Variants in SRP54 observed in about 807,000 individuals in gnomAD.
SRP54 encodes signal recognition particle subunit SRP54.
Under a neutral mutation model 64.8 loss-of-function variants are expected in SRP54, and 10 were observed. That is an observed-to-expected ratio of 0.15 (90% confidence interval 0.10 to 0.26). The LOEUF is 0.26. SRP54 is among the 10% of genes least tolerant of loss of function. SRP54 has a pLI of 1.00. For missense variants in SRP54, 325 were observed against 613.7 expected (o/e 0.53, Z 4.97); for synonymous variants, 193 against 185.6 (o/e 1.04, Z -0.32).
rs17102982 is a variant in SRP54 at position 35,019,103 on chromosome 14, A to G, written c.1156+29A>G. 533,100 of 1,493,374 alleles carry G rather than the reference A, an allele frequency of 0.36. 100,153 individuals carry two copies. Among genetic ancestry groups the G allele is most frequent in the East Asian group, 0.72 (31,707 of 43,738 alleles). 92.5% of individuals were successfully genotyped at this position (1,493,374 alleles called of 1,614,324 possible). A position where few individuals can be genotyped will look rare whatever the true frequency, so the allele number is the denominator to read the frequency against. On this transcript the variant is annotated intron_variant, in intron 13 of 15. Transcript: ENST00000216774. The stretch of plus-strand genomic sequence containing the variant: ...AGATGGCAGATTATTTTCCTCAGGC[A>G]AAAATGTTCTGAGTATCAGTAAGAT...
intron 5 of SRP54, among the ~76,000 whole-genome samples, 191 bp downstream of exon 5, chr14:35,007,578 T>C (rs2044278983): frequency 1.4e-5 from 2 of 147,026 alleles, no homozygotes; most frequent in Admixed American, 1.4e-4. Context: ...TTACATAAAA[T>C]ATATTTATAT....
Position 35,023,256 on chromosome 14 carries a change from TA to T in SRP54, c.1327+185del, listed in dbSNP as rs146885176. Among the ~76,000 whole-genome samples, 13,222 of 150,768 alleles carry T rather than the reference TA, an allele frequency of 0.088. 653 individuals are homozygous for T. Among genetic ancestry groups the T allele is most frequent in the Non-Finnish European group, 0.12 (8,311 of 67,696 alleles). ...TCATATTCAAGGTAATATTAATATT[TA>T]AAAAAAAACTTTACATCTGTGTAGT... On this transcript the variant is annotated intron_variant, in intron 14 of 15. Transcript: ENST00000216774.
At chr14:35,019,755 AGTC>A (rs2044495761) in intron 13 of SRP54, among the ~76,000 whole-genome samples, 1 of 152,246 alleles carries the variant, frequency 6.6e-6, no homozygotes, top group Admixed American at 6.5e-5. Context: ...CATGCAATAA[AGTC>A]AGTCATACAG....
intron 14 of SRP54, among the ~76,000 whole-genome samples, chr14:35,023,761 G>T (rs2044573274): frequency 6.7e-6 from 1 of 150,280 alleles, no homozygotes; most frequent in Non-Finnish European, 1.5e-5. Context: ...TCCAGCCTGG[G>T]CAGCAGAGTG....
In SRP54 at chr14:35,014,731, T is replaced by A; in HGVS notation, c.887-13T>A. On this transcript the variant is annotated splice_polypyrimidine_tract_variant and intron_variant, in intron 10 of 15. Transcript: ENST00000216774. Reference sequence around the variant, plus strand: ...AGTATTAGTTGTTAATTTTTCTTTTTTGTATCTTATAGGTATGGGCGACAT... The same window carrying A: ...AGTATTAGTTGTTAATTTTTCTTTTATGTATCTTATAGGTATGGGCGACAT... 1 of 1,607,562 alleles carries A rather than the reference T, an allele frequency of 6.2e-7. No individual in the cohort carries two copies. Among genetic ancestry groups the A allele is most frequent in the Non-Finnish European group, 8.5e-7 (1 of 1,176,974 alleles).
At chr14:35,003,979 G>A (rs1160496201) in intron 4 of SRP54, among the ~76,000 whole-genome samples, 3 of 151,060 alleles carry the variant, frequency 2.0e-5, no homozygotes, top group South Asian at 2.1e-4. Context: ...GCATGGTGGC[G>A]CATGCCTGTA....
intron 1 of SRP54, among the ~76,000 whole-genome samples, chr14:34,987,288 C>G (rs184851531): frequency 1.8e-5 from 1 of 55,352 alleles, no homozygotes; most frequent in African/African-American, 4.3e-5. Flanking sequence ...TATATATATA[C>G]ACACACACAC....
At chr14:35,022,834 T>C in intron 13 of SRP54, 76 bp from the exon 14 acceptor site, 8 of 1,221,552 alleles carry the variant, frequency 6.5e-6, no homozygotes, top group Non-Finnish European at 7.8e-6. Flanking sequence ...TTTGAAGTTA[T>C]ATATTGCCCA....
intron 14 of SRP54, among the ~76,000 whole-genome samples, chr14:35,025,962 AG>A (rs1410895812): frequency 6.6e-6 from 1 of 151,646 alleles, no homozygotes; most frequent in Non-Finnish European, 1.5e-5. Flanking sequence ...AGGCCAAGGC[AG>A]GAGGATCCCA....
chr14:35,008,564 A>C, intron 5 of SRP54, 63 bp from the exon 6 acceptor site: 1 of 1,119,380 alleles, frequency 8.9e-7, no homozygotes, highest in Non-Finnish European at 1.2e-6. Flanking sequence ...AAAAACAGAA[A>C]AAATTATATG....
rs762795369 is a variant in SRP54, at chr14:34,999,560, A to G, written c.81A>G (p.Val27=). 4 of 1,608,490 alleles carry G rather than the reference A, an allele frequency of 2.5e-6. No homozygotes were observed. In the South Asian group the frequency reaches 3.3e-5, roughly 13 times the overall value. The part of the protein sequence containing the change: ...LSNATIINEE[V]LNAMLKEVCT... ...TTCATTTATTTCTTTATTTTCAGGT[A>G]TTGAATGCTATGCTAAAAGAAGTCT... Residue 27 remains valine, a splice_region_variant and synonymous_variant, in exon 3 of 16, where the codon GTA becomes GTG. Transcript: ENST00000216774.
chr14:34,992,521 A>G (rs2043997219), intron 1 of SRP54, among the ~76,000 whole-genome samples: 3 of 152,224 alleles, frequency 2.0e-5, no homozygotes, highest in South Asian at 4.1e-4. Flanking sequence ...CCATTATCCT[A>G]AGAGAACTAA....
intron 1 of SRP54, among the ~76,000 whole-genome samples, chr14:34,985,189 C>T (rs917297393): frequency 6.6e-6 from 1 of 152,128 alleles, no homozygotes; most frequent in Non-Finnish European, 1.5e-5. Context: ...AAAAATTAGC[C>T]AGGCTTAGTG....
chr14:35,001,779 A>C (rs1566646811), intron 4 of SRP54, among the ~76,000 whole-genome samples: 1 of 152,190 alleles, frequency 6.6e-6, no homozygotes, highest in Non-Finnish European at 1.5e-5. Flanking sequence ...TTTTATTTTC[A>C]AATAGTAAAT....
At chr14:35,013,718 A>T in intron 9 of SRP54, 84 bp from the exon 10 acceptor site, 1 of 1,249,306 alleles carries the variant, frequency 8.0e-7, no homozygotes, top group Non-Finnish European at 1.1e-6. Context: ...TTAGCTTTGG[A>T]GGCGGATTCA....
chr14:34,987,407 A>G (rs2043916933), intron 1 of SRP54, among the ~76,000 whole-genome samples: 1 of 151,644 alleles, frequency 6.6e-6, no homozygotes, highest in East Asian at 1.9e-4. Flanking sequence ...TTATTATCCC[A>G]TGAAGAAACC....
At chr14:35,023,448 A>T (rs1342107658) in intron 14 of SRP54, among the ~76,000 whole-genome samples, 1 of 151,948 alleles carries the variant, frequency 6.6e-6, no homozygotes, top group Non-Finnish European at 1.5e-5. Flanking sequence ...TTTTCTTCTG[A>T]TATATCATAA....
chr14:34,992,199 C>T (rs2043991604), intron 1 of SRP54, among the ~76,000 whole-genome samples: 1 of 152,188 alleles, frequency 6.6e-6, no homozygotes. Context: ...TCCCAAAGTG[C>T]TGGGATTACA....
chr14:35,003,322 C>G (rs2138988408), intron 4 of SRP54, among the ~76,000 whole-genome samples: 1 of 152,074 alleles, frequency 6.6e-6, no homozygotes, highest in East Asian at 1.9e-4. Flanking sequence ...GGTAAAACTC[C>G]CTGGTATGAA....
Sources: gnomAD v4.1 joint callset for allele counts (sites outside exome capture counted in the v4.1 genomes callset) on GRCh38, gnomAD v4.1.1 for gene constraint, MANE v1.5 for transcripts, NCBI Gene and HGNC (gene_info 2026-07-23, HGNC 2026-07-21) for gene names.